The following MTAP variants were observed in gnomAD, a reference collection of about 807,000 sequenced individuals.
MTAP encodes the protein methylthioadenosine phosphorylase.
A neutral mutation model predicts 33.6 loss-of-function variants in MTAP; 33 were observed. The ratio of observed to expected loss-of-function variants is 0.98; its 90% confidence interval spans 0.74 to 1.31. The LOEUF is 1.31. MTAP is among the 40% of genes most tolerant of loss of function. The probability of loss-of-function intolerance (pLI) is 0.00; values close to 1 mark genes in which losing one functional copy is unlikely to be tolerated. For synonymous variants in MTAP, 148 were observed against 125.7 expected (o/e 1.18, Z -1.19); for missense variants, 367 against 360.0 (o/e 1.02, Z -0.16).
intron 1 of MTAP, among the ~76,000 whole-genome samples, chr9:21,926,920 C>G (rs1386045660): frequency 1.3e-5 from 2 of 152,150 alleles, no homozygotes; most frequent in Non-Finnish European, 2.9e-5. Context: ...ATACCTACCC[C>G]AACCACCTAA....
chr9:21,852,627 G>A (rs1215158064), intron 5 of MTAP, among the ~76,000 whole-genome samples: 2 of 150,900 alleles, frequency 1.3e-5, no homozygotes, highest in Admixed American at 6.6e-5. Context: ...GGTGACAGGT[G>A]CATCAGAATC....
At position 21,914,900 on chromosome 9, in the gene MTAP, G is replaced by T. The variant is rs1818649712; in HGVS notation, c.148-16108G>T. ...CTATTTTGGACATTTTATATGAAAA[G>T]AGTCATATAATATATGGCCTTCTGT... On this transcript the variant is annotated intron_variant, in intron 1 of 1. Transcript: ENST00000577563. Among the ~76,000 whole-genome samples the T allele has an allele frequency of 1.3e-5, 2 of 151,252 alleles. 1 individual carries two copies.
At chr9:21,811,802 T>G (rs1243767423) in intron 1 of MTAP, 4 of 518,938 alleles carry the variant, frequency 7.7e-6, no homozygotes, top group Admixed American at 5.9e-5. Context: ...ACCTGTGAAC[T>G]GCTCTGAGAT....
intron 1 of MTAP, among the ~76,000 whole-genome samples, chr9:21,894,880 A>G (rs535740354): frequency 2.6e-5 from 4 of 152,282 alleles, no homozygotes; most frequent in Middle Eastern, 3.4e-3. Flanking sequence ...CAATACATCA[A>G]TAACATCCAA....
chr9:21,929,806 C>G (rs1304234051), intron 1 of MTAP: 2 of 214,516 alleles, frequency 9.3e-6, no homozygotes, highest in African/African-American at 4.5e-5. Context: ...TTTCTAATAT[C>G]ACTTTAATGG....
At chr9:21,940,219 A>G (rs2099161109), downstream of MTAP, among the ~76,000 whole-genome samples, 1 of 152,228 alleles carries the variant, frequency 6.6e-6, no homozygotes, top group Admixed American at 6.5e-5. Context: ...CCTAGCTTGG[A>G]AAGACTTTTT....
intron 1 of MTAP, among the ~76,000 whole-genome samples, chr9:21,926,065 A>G (rs1349054246): frequency 6.6e-6 from 1 of 152,174 alleles, no homozygotes; most frequent in Non-Finnish European, 1.5e-5. Flanking sequence ...CCTTTTCCAA[A>G]TGCAATCTTA....
At chr9:21,914,187 T>G (rs1387820165) in intron 1 of MTAP, among the ~76,000 whole-genome samples, 1 of 152,218 alleles carries the variant, frequency 6.6e-6, no homozygotes. Context: ...TTGGTGGGAC[T>G]GTAAACTAGT....
downstream of MTAP, among the ~76,000 whole-genome samples, chr9:21,939,814 T>C (rs1401329890): frequency 6.6e-6 from 1 of 151,756 alleles, no homozygotes; most frequent in Non-Finnish European, 1.5e-5. Flanking sequence ...ACCTGGGAGG[T>C]GGAGGCTGAA....
In MTAP at chr9:21,922,538, GAAGAGGC is replaced by G. The variant is rs1041297498; in HGVS notation, c.148-8465_148-8459del. On this transcript the variant is annotated intron_variant, in intron 1 of 1. Coordinates refer to the MTAP transcript ENST00000577563. This position sits in a 1 kb window ranked among gnomAD's most constrained non-coding sequence, Gnocchi z 4.8. The stretch of plus-strand genomic sequence containing the variant: ...GCCCCTCAGACAAATTCTTTCCTTT[GAAGAGGC>G]AAGAAACAAGTTCTTGCAGACCCAT... Among the ~76,000 whole-genome samples the G allele has an allele frequency of 6.6e-6, 1 of 151,982 alleles. No individual in the cohort carries two copies. The highest frequency in any genetic ancestry group is 2.4e-5 in the African/African-American group (1 of 41,372).
downstream of MTAP, chr9:21,934,582 TTAATC>T (rs1471067106): frequency 7.9e-5 from 12 of 152,124 alleles, no homozygotes; most frequent in Admixed American, 4.6e-4. This position sits in a 1 kb window ranked among gnomAD's most constrained non-coding sequence, Gnocchi z 5.0. Context: ...AACTGTCAGT[TTAATC>T]TAAGAGCAAA....
chr9:21,892,327 A>G (rs962493863), intron 1 of MTAP: 1 of 152,196 alleles, frequency 6.6e-6, no homozygotes, highest in African/African-American at 2.4e-5. Context: ...ACACAGTGGC[A>G]ATTTGGATAA....
In MTAP at chr9:21,862,150, A is replaced by G; in HGVS notation, c.*136A>G. On this transcript the variant is annotated 3_prime_UTR_variant, in exon 8 of 8. Coordinates refer to ENST00000644715, the MANE Select transcript of MTAP (RefSeq NM_002451.4). ...CCTATCAAAGAGTATGTTGTAAGAA[A>G]GACAAGACATTGTGTGTATTAGAGA... The G allele has an allele frequency of 6.6e-7, 1 of 1,524,454 alleles. No homozygotes were observed. Among genetic ancestry groups the G allele is most frequent in the African/African-American group, 1.4e-5 (1 of 71,632 alleles). The allele number at this position is 1,524,454 out of a possible 1,614,324, so 94.4% of individuals were successfully genotyped here. A position where few individuals can be genotyped will look rare whatever the true frequency, so the allele number is the denominator to read the frequency against.
At chr9:21,819,241 T>A (rs1413678590) in intron 4 of MTAP, among the ~76,000 whole-genome samples, 1 of 152,034 alleles carries the variant, frequency 6.6e-6, no homozygotes, top group Non-Finnish European at 1.5e-5. Flanking sequence ...GCTGCACCCA[T>A]TAACTCGTCA....
At chr9:21,837,599 C>G (rs1273781389) in intron 4 of MTAP, among the ~76,000 whole-genome samples, 1 of 152,218 alleles carries the variant, frequency 6.6e-6, no homozygotes, top group East Asian at 1.9e-4. Flanking sequence ...TCTTAAGTGT[C>G]TTACCTGGCC....
chr9:21,925,961 G>GA (rs1818863020), intron 1 of MTAP, among the ~76,000 whole-genome samples: 1 of 152,198 alleles, frequency 6.6e-6, no homozygotes, highest in Admixed American at 6.5e-5. Context: ...CCTGTGAGGG[G>GA]AGACTGTCTT....
In MTAP at chr9:21,854,825, C is replaced by T. The variant is rs144828400; in HGVS notation, c.645C>T (p.Ile215=). ...AGGCTGGAATTTGTTACGCAAGTAT[C>T]GCCATGGCGACAGATTATGACTGCT... ...AKEAGICYAS[I]AMATDYDCWK... The change falls in exon 6 of 8, where the codon ATC becomes ATT. Residue 215 remains isoleucine (I), a synonymous_variant. Transcript: ENST00000644715. 38 of 1,614,128 alleles carry T rather than the reference C, an allele frequency of 2.4e-5. No individual in the cohort carries two copies. Among genetic ancestry groups the T allele is most frequent in the African/African-American group, 9.3e-5 (7 of 75,038 alleles).
intron 4 of MTAP, among the ~76,000 whole-genome samples, chr9:21,835,933 G>A (rs936315550): frequency 1.3e-5 from 2 of 152,186 alleles, no homozygotes; most frequent in East Asian, 1.9e-4. Context: ...GGTGTTTCTC[G>A]TCTGCACCTT....
rs973438374 is a variant in MTAP at position 21,862,011 on chromosome 9, TTAAAG to T, written c.852_*4del. The T allele has an allele frequency of 2.5e-6, 4 of 1,612,326 alleles. No homozygotes were observed. The African/African-American group carries it at 5.3e-5, about 22-fold the overall frequency. ...AGTTTTCTGTTTTATTACCAAGACA[TTAAAG>T]TAGCATGGCTGCCCAGGAGAAAAGA... On this transcript the variant is annotated stop_retained_variant and 3_prime_UTR_variant, in exon 8 of 8. Transcript: ENST00000644715.
Sources: gnomAD v4.1 joint callset for allele counts (sites outside exome capture counted in the v4.1 genomes callset) on GRCh38, gnomAD v4.1.1 for gene constraint, Gnocchi (gnomAD v3.1) non-coding constraint, MANE v1.5 for transcripts, NCBI Gene and HGNC (gene_info 2026-07-23, HGNC 2026-07-21) for gene names.